Variants in SLC7A2 observed in about 807,000 individuals in gnomAD.
SLC7A2 encodes the protein cationic amino acid transporter 2.
In SLC7A2, 48 loss-of-function variants were observed where a neutral mutation model predicts 58.9. The observed-to-expected ratio is 0.82, with a 90% CI of 0.65 to 1.04. The LOEUF is 1.04. Among genes scored for constraint, SLC7A2 ranks in the 50% least tolerant of loss-of-function variants. SLC7A2 has a pLI of 0.00. For synonymous variants in SLC7A2, 363 were observed against 314.5 expected (o/e 1.15, Z -1.63); for missense variants, 1,029 against 818.8 (o/e 1.26, Z -3.13).
chr8:17,517,698 A>G (rs1404116564), intron 2 of SLC7A2, among the ~76,000 whole-genome samples: 3 of 152,106 alleles, frequency 2.0e-5, no homozygotes, highest in African/African-American at 7.2e-5. Flanking sequence ...AGGCAGTAAT[A>G]GTTCATGAAT....
At chr8:17,526,244 G>A (rs1381642158) in intron 2 of SLC7A2, among the ~76,000 whole-genome samples, 1 of 152,158 alleles carries the variant, frequency 6.6e-6, no homozygotes, top group Non-Finnish European at 1.5e-5. Context: ...GATTTAAAAG[G>A]TGGAAGAATA....
intron 11 of SLC7A2, 24 bp downstream of exon 11, chr8:17,562,134 C>G: frequency 6.4e-7 from 1 of 1,559,090 alleles, no homozygotes; most frequent in African/African-American, 1.4e-5. Flanking sequence ...GGATTAGAGA[C>G]CCAAAATACT....
intron 2 of SLC7A2, among the ~76,000 whole-genome samples, chr8:17,536,929 C>T (rs997934182): frequency 2.0e-5 from 3 of 152,196 alleles, no homozygotes; most frequent in East Asian, 1.9e-4. Flanking sequence ...GCACACCCAG[C>T]GTTAGAAGCG....
chr8:17,564,835 C>T, intron 12 of SLC7A2, 115 bp from the exon 13 acceptor site: 1 of 893,768 alleles, frequency 1.1e-6, no homozygotes, highest in South Asian at 1.8e-5. Context: ...TTCTAAAGTA[C>T]TACAGAAAGG....
At chr8:17,541,920 G>T (rs1366086239) in intron 2 of SLC7A2, among the ~76,000 whole-genome samples, 1 of 151,748 alleles carries the variant, frequency 6.6e-6, no homozygotes, top group African/African-American at 2.4e-5. Flanking sequence ...TTTTTTTTCA[G>T]TGTTAGATTG....
intron 7 of SLC7A2, among the ~76,000 whole-genome samples, 159 bp downstream of exon 7, chr8:17,552,145 A>C (rs1802485671): frequency 6.6e-6 from 1 of 152,204 alleles, no homozygotes; most frequent in East Asian, 1.9e-4. Context: ...TTCCACATAA[A>C]AATCTTAAAG....
chr8:17,527,823 T>C (rs772856267), intron 2 of SLC7A2, among the ~76,000 whole-genome samples: 1 of 152,128 alleles, frequency 6.6e-6, no homozygotes, highest in Non-Finnish European at 1.5e-5. Flanking sequence ...GGTCACCAAA[T>C]AAGGTACCAG....
At chr8:17,521,826 G>A (rs1343062271) in intron 2 of SLC7A2, among the ~76,000 whole-genome samples, 3 of 152,234 alleles carry the variant, frequency 2.0e-5, no homozygotes, top group East Asian at 1.9e-4. Flanking sequence ...AAACCCAAAT[G>A]TGGAAGCAAG....
intron 2 of SLC7A2, among the ~76,000 whole-genome samples, chr8:17,540,346 G>A (rs762556188): frequency 1.3e-5 from 2 of 152,132 alleles, no homozygotes; most frequent in African/African-American, 4.8e-5. Context: ...AGTTTCTGAC[G>A]TATGTTTTTC....
intron 11 of SLC7A2, among the ~76,000 whole-genome samples, chr8:17,563,047 G>A (rs1338336782): frequency 6.6e-6 from 1 of 152,226 alleles, no homozygotes; most frequent in East Asian, 1.9e-4. Flanking sequence ...GGAGGCTGAA[G>A]TGGGAGGATC....
chr8:17,502,485 T>C (rs1405662012), intron 2 of SLC7A2, among the ~76,000 whole-genome samples, 183 bp downstream of exon 2: 1 of 152,212 alleles, frequency 6.6e-6, no homozygotes, highest in East Asian at 1.9e-4. Context: ...AAAAATATTT[T>C]AAAAGAATCT....
rs375531667 is a variant in SLC7A2, at chr8:17,551,999, G to A, written c.1055+13G>A. Reference sequence around the variant, plus strand: ...CCTTGTCAACAAGGTACATTGCATCGCCTTTGGGGCACGGGCTGTTTGGGA... The same window carrying A: ...CCTTGTCAACAAGGTACATTGCATCACCTTTGGGGCACGGGCTGTTTGGGA... On this transcript the variant is annotated intron_variant, in intron 7 of 12. Transcript: ENST00000494857. The A allele has an allele frequency of 1.9e-4, 298 of 1,610,364 alleles. 1 individual carries two copies. Among genetic ancestry groups the A allele is most frequent in the Middle Eastern group, 1.2e-3 (7 of 6,060 alleles).
Position 17,570,051 on chromosome 8 carries a change from G to A in SLC7A2, c.*4905G>A, listed in dbSNP as rs1803441193. 1 of 152,138 alleles carries A rather than the reference G, an allele frequency of 6.6e-6. No individual in the cohort carries two copies. Among genetic ancestry groups the A allele is most frequent in the Admixed American group, 6.6e-5 (1 of 15,260 alleles). 9.4% of individuals were successfully genotyped at this position (152,138 alleles called of 1,614,324 possible). ...ATATCAAGATGAATAAGGACCAAGG[G>A]ACCTCTGTGACTCATAGAAGGGCTG... On this transcript the variant is annotated 3_prime_UTR_variant, in exon 13 of 13. Transcript: ENST00000494857.
At chr8:17,548,608 A>C in intron 4 of SLC7A2, 70 bp from the exon 5 acceptor site, 1 of 1,076,800 alleles carries the variant, frequency 9.3e-7, no homozygotes, top group Admixed American at 2.1e-5. Context: ...TCCTAAAGTC[A>C]TGTATTTGCC....
chr8:17,543,803 G>A (rs1802032568), intron 3 of SLC7A2, 88 bp downstream of exon 3: 1 of 1,198,228 alleles, frequency 8.3e-7, no homozygotes, highest in Non-Finnish European at 1.2e-6. Context: ...GTAGGTGTTG[G>A]GTACATCACT....
intron 2 of SLC7A2, among the ~76,000 whole-genome samples, chr8:17,542,264 ATGATAGCTAAGTCC>A (rs1479277190): frequency 1.3e-5 from 2 of 152,326 alleles, no homozygotes; most frequent in East Asian, 3.9e-4. Context: ...GTGCTTTTAG[ATGATAGCTAAGTCC>A]TGTAAGGCTA....
chr8:17,503,203 A>G (rs976492354), intron 2 of SLC7A2, among the ~76,000 whole-genome samples: 1 of 151,866 alleles, frequency 6.6e-6, no homozygotes, highest in African/African-American at 2.4e-5. Context: ...GGCGCCCGCC[A>G]CCACGCCCGG....
intron 7 of SLC7A2, among the ~76,000 whole-genome samples, chr8:17,553,016 A>G (rs1204662218): frequency 1.3e-5 from 2 of 152,164 alleles, no homozygotes; most frequent in Admixed American, 6.6e-5. Flanking sequence ...TTGAGTAGCA[A>G]TTAGACACTC....
At chr8:17,509,971 G>A (rs1342876248) in intron 2 of SLC7A2, among the ~76,000 whole-genome samples, 1 of 152,084 alleles carries the variant, frequency 6.6e-6, no homozygotes, top group African/African-American at 2.4e-5. Context: ...TGTAACCCCA[G>A]CACTTTGGGA....
Sources: allele counts gnomAD v4.1 joint callset (sites outside exome capture counted in the v4.1 genomes callset), GRCh38; gene constraint gnomAD v4.1.1; transcripts MANE v1.5; gene names NCBI Gene and HGNC (gene_info 2026-07-23, HGNC 2026-07-21).